VGLL4: variants seen among roughly 807,000 people sequenced by gnomAD.
The protein encoded by VGLL4 is transcription cofactor vestigial-like protein 4.
A neutral mutation model predicts 21.0 loss-of-function variants in VGLL4; 7 were observed. The ratio of observed to expected loss-of-function variants is 0.33; its 90% CI spans 0.19 to 0.63. VGLL4 has a LOEUF of 0.63. VGLL4 is among the 20% of genes least tolerant of loss of function. The pLI is 0.78. For missense variants in VGLL4, 394 were observed against 425.7 expected (o/e 0.93, Z 0.66); for synonymous variants, 222 against 173.2 (o/e 1.28, Z -2.21).
Position 11,643,896 on chromosome 3 carries a change from A to C in VGLL4, c.-378T>G. On this transcript the variant is annotated 5_prime_UTR_variant, in exon 1 of 5. Coordinates refer to ENST00000430365, the MANE Select transcript of VGLL4 (RefSeq NM_001128219.3). Reference sequence around the variant, plus strand: ...CTCTCACAGCCCGCTGCAAGCCGGCAGCGCTGACATGAGGGCTATGCTTGG... The same window carrying C: ...CTCTCACAGCCCGCTGCAAGCCGGCCGCGCTGACATGAGGGCTATGCTTGG... 1 of 1,029,336 alleles carries C rather than the reference A, an allele frequency of 9.7e-7. No homozygotes were observed. Among genetic ancestry groups the C allele is most frequent in the Non-Finnish European group, 1.2e-6 (1 of 857,100 alleles). The allele number at this position is 1,029,336 out of a possible 1,614,324, so 63.8% of individuals were successfully genotyped here.
intron 1 of VGLL4, among the ~76,000 whole-genome samples, chr3:11,614,591 G>A (rs2075126199): frequency 6.6e-6 from 1 of 152,324 alleles, no homozygotes; most frequent in Admixed American, 6.5e-5. Flanking sequence ...TCCCAAGTCA[G>A]ATATCTCAGC....
chr3:11,691,154 GGTTGTT>G lies in VGLL4; in HGVS notation c.64+11811_64+11816del, dbSNP rs750796515. Among the ~76,000 whole-genome samples the G allele has an allele frequency of 8.6e-5, 13 of 151,208 alleles. No individual in the cohort carries two copies. The East Asian group carries it at 2.1e-3, about 25-fold the overall frequency. ...TGAGGGAGGGAGAGTAGCTGAAACA[GGTTGTT>G]GTTGTTGTTGTTGTTTTTTATCTGT... On this transcript the variant is annotated intron_variant, in intron 2 of 5. Transcript: ENST00000273038.
chr3:11,589,365 A>G lies in VGLL4; in HGVS notation c.272+12468T>C, dbSNP rs2074432144. ...AAGTTTCCTCAATTTCTCTGGCCTCAGTGAATTTCTCTGAAAGCCCCAAGC... is the reference window on the plus strand; with the variant it reads ...AAGTTTCCTCAATTTCTCTGGCCTCGGTGAATTTCTCTGAAAGCCCCAAGC... On this transcript the variant is annotated intron_variant, in intron 2 of 4. Transcript: ENST00000430365. Among the ~76,000 whole-genome samples the G allele has an allele frequency of 3.3e-5, 5 of 152,296 alleles. No homozygotes were observed. The South Asian group carries it at 1.0e-3, about 32-fold the overall frequency.
chr3:11,594,471 TA>T (rs2074585010), intron 2 of VGLL4, among the ~76,000 whole-genome samples: 1 of 152,186 alleles, frequency 6.6e-6, no homozygotes, highest in African/African-American at 2.4e-5. Context: ...AAGCACTCAA[TA>T]AATGTTCCCT....
intron 2 of VGLL4, among the ~76,000 whole-genome samples, chr3:11,681,770 C>A (rs1470297454): frequency 6.6e-6 from 1 of 152,212 alleles, no homozygotes; most frequent in Non-Finnish European, 1.5e-5. Flanking sequence ...CAAGGAAACA[C>A]ATGCTAAGGA....
intron 1 of VGLL4, among the ~76,000 whole-genome samples, chr3:11,632,135 A>C (rs2075491064): frequency 6.6e-6 from 1 of 152,128 alleles, no homozygotes; most frequent in African/African-American, 2.4e-5. Flanking sequence ...ACAACACAGT[A>C]AAACCCTGCC....
intron 1 of VGLL4, among the ~76,000 whole-genome samples, chr3:11,708,811 C>T (rs931055447): frequency 6.6e-6 from 1 of 152,104 alleles, no homozygotes. Flanking sequence ...CCTGTAATCC[C>T]AGCACTTTGG....
chr3:11,634,272 T>A (rs1388893780), intron 1 of VGLL4, among the ~76,000 whole-genome samples: 3 of 152,122 alleles, frequency 2.0e-5, no homozygotes, highest in African/African-American at 7.2e-5. Context: ...GCACCACCCA[T>A]CCGCTTGTAG....
chr3:11,614,629 C>A (rs1284419681), intron 1 of VGLL4, among the ~76,000 whole-genome samples: 2 of 152,224 alleles, frequency 1.3e-5, no homozygotes, highest in African/African-American at 4.8e-5. Flanking sequence ...CACGGAAATT[C>A]ATTAACTCAC....
intron 2 of VGLL4, among the ~76,000 whole-genome samples, chr3:11,593,430 TCCTATTATATGC>T (rs1323173265): frequency 2.0e-5 from 3 of 152,224 alleles, no homozygotes; most frequent in Non-Finnish European, 2.9e-5. Context: ...CTTACTGAGT[TCCTATTATATGC>T]CCAGCACCTG....
At chr3:11,603,325 A>G (rs895935926) in intron 1 of VGLL4, among the ~76,000 whole-genome samples, 1 of 152,132 alleles carries the variant, frequency 6.6e-6, no homozygotes, top group African/African-American at 2.4e-5. Flanking sequence ...TCTGGCCCCA[A>G]AGCAAACTGG....
In VGLL4 at chr3:11,557,727, T is replaced by TC. The variant is rs1164465251; in HGVS notation, c.*828dup. The stretch of plus-strand genomic sequence containing the variant: ...TAATTAATAGAAACCAGCTATTTTT[T>TC]CTCCATTAAAACATGCATCACGTTT... On this transcript the variant is annotated 3_prime_UTR_variant, in exon 5 of 5. Transcript: ENST00000430365. 1.3e-5 allele frequency: 2 copies of TC among 152,824 alleles called. No homozygotes were observed. The highest frequency in any genetic ancestry group is 1.5e-5 in the Non-Finnish European group (1 of 68,056). The allele number at this position is 152,824 out of a possible 1,614,324, so 9.5% of individuals were successfully genotyped here.
chr3:11,675,284 G>A (rs1470106748), intron 2 of VGLL4, among the ~76,000 whole-genome samples: 4 of 152,170 alleles, frequency 2.6e-5, no homozygotes, highest in African/African-American at 9.7e-5. Flanking sequence ...AGAGGGCGCA[G>A]TGAGCCGAGA....
At position 11,708,502 on chromosome 3, in the gene VGLL4, G is replaced by A. The variant is rs561142026; in HGVS notation, c.-13-5455C>T. 2.0e-5 allele frequency among the ~76,000 whole-genome samples: 3 copies of A among 152,360 alleles called. No individual in the cohort carries two copies. The East Asian group carries it at 5.8e-4, about 29-fold the overall frequency. On this transcript the variant is annotated intron_variant, in intron 1 of 5. Coordinates refer to the VGLL4 transcript ENST00000273038. ...CCTGAAGTCAGCAAAAGGGAGGCCT[G>A]AGGTGGGCAGCACAGGGCCAGGTCA...
intron 2 of VGLL4, among the ~76,000 whole-genome samples, chr3:11,700,943 C>A (rs1274663753): frequency 6.6e-6 from 1 of 152,074 alleles, no homozygotes; most frequent in Non-Finnish European, 1.5e-5. Context: ...ATCCTCACAA[C>A]AATCAAAAGC....
chr3:11,685,455 C>G (rs1258709531), intron 2 of VGLL4, among the ~76,000 whole-genome samples: 1 of 152,038 alleles, frequency 6.6e-6, no homozygotes, highest in Non-Finnish European at 1.5e-5. Context: ...CCTTGGCCTC[C>G]CAAAGTGCTG....
rs1305114995 is a variant in VGLL4, at chr3:11,574,785, A to ATATGTGTGTG, written c.273-9767_273-9766insCACACACATA. ...ACAATTACTGTCAATTCAACTATAT[A>ATATGTGTGTG]TGTGTGTGTGTGTGTGTGTGTGTGT... On this transcript the variant is annotated intron_variant, in intron 2 of 4. Transcript: ENST00000430365. Among the ~76,000 whole-genome samples the ATATGTGTGTG allele has an allele frequency of 4.7e-4, 57 of 121,784 alleles. 1 individual carries two copies. The East Asian group carries it at 9.1e-3, about 19-fold the overall frequency. 79.9% of individuals were successfully genotyped at this position (121,784 alleles called of 152,430 possible).
At chr3:11,684,056 C>T (rs964655789) in intron 2 of VGLL4, among the ~76,000 whole-genome samples, 1 of 151,918 alleles carries the variant, frequency 6.6e-6, no homozygotes, top group African/African-American at 2.4e-5. Flanking sequence ...ACTAAAAATG[C>T]AAAAATTAGC....
At chr3:11,619,985 A>G (rs1329712728) in intron 1 of VGLL4, among the ~76,000 whole-genome samples, 2 of 152,096 alleles carry the variant, frequency 1.3e-5, no homozygotes, top group Non-Finnish European at 2.9e-5. Flanking sequence ...TCTCCTCCCT[A>G]TAGTTTATTG....
Sources: allele counts gnomAD v4.1 joint callset (sites outside exome capture counted in the v4.1 genomes callset), GRCh38; gene constraint gnomAD v4.1.1; transcripts MANE v1.5; gene names NCBI Gene and HGNC (gene_info 2026-07-23, HGNC 2026-07-21).